The following FER variants were observed in gnomAD, a reference collection of about 807,000 sequenced individuals.
The protein encoded by FER is tyrosine-protein kinase Fer.
Under a neutral mutation model 111.0 loss-of-function variants are expected in FER, and 63 were observed. That is an observed-to-expected ratio of 0.57 (90% CI 0.46 to 0.70). The LOEUF is 0.70. Ranked by LOEUF, FER falls within the 30% of genes least tolerant of loss-of-function variation. FER has a pLI of 0.00. For synonymous variants in FER, 327 were observed against 313.9 expected, an observed-to-expected ratio of 1.04 and a Z score of -0.44; for missense variants, 914 against 954.0, an observed-to-expected ratio of 0.96 and a Z score of 0.55.
At chr5:109,053,291 G>A (rs1006345887) in intron 16 of FER, among the ~76,000 whole-genome samples, 4 of 150,058 alleles carry the variant, frequency 2.7e-5, no homozygotes, top group Admixed American at 6.7e-5. Context: ...GCTGAGGGAG[G>A]AGAATCGCTT....
At chr5:108,771,098 G>C (rs1279345766) in intron 2 of FER, among the ~76,000 whole-genome samples, 1 of 151,878 alleles carries the variant, frequency 6.6e-6, no homozygotes, top group Non-Finnish European at 1.5e-5. Context: ...ACCATGCCCA[G>C]CTAATTTTTG....
intron 17 of FER, among the ~76,000 whole-genome samples, chr5:109,167,165 A>G (rs915340027): frequency 2.6e-5 from 4 of 152,172 alleles, no homozygotes; most frequent in Non-Finnish European, 2.9e-5. Flanking sequence ...AGGACTTGTT[A>G]TGAGTAAGAT....
At chr5:109,091,358 G>A (rs994965890) in intron 16 of FER, among the ~76,000 whole-genome samples, 2 of 152,194 alleles carry the variant, frequency 1.3e-5, no homozygotes, top group Non-Finnish European at 2.9e-5. Context: ...CCCAGGTGCT[G>A]TCCTCTGGAA....
chr5:108,978,725 C>T (rs956519568), intron 13 of FER, among the ~76,000 whole-genome samples: 2 of 152,110 alleles, frequency 1.3e-5, no homozygotes, highest in Admixed American at 6.5e-5. Flanking sequence ...TATATATACT[C>T]ATAGATGCAA....
intron 13 of FER, among the ~76,000 whole-genome samples, chr5:109,029,589 G>A (rs963136485): frequency 6.6e-6 from 1 of 151,502 alleles, no homozygotes; most frequent in African/African-American, 2.4e-5. Context: ...CTTGAAAGAT[G>A]GTTTTACCAC....
intron 13 of FER, 81 bp from the exon 14 acceptor site, chr5:109,037,341 C>A: frequency 3.4e-6 from 4 of 1,163,876 alleles, no homozygotes; most frequent in South Asian, 2.6e-5. Flanking sequence ...CCCTTTAGGT[C>A]GACTTTCCAC....
At chr5:109,163,016 C>G (rs1278936698) in intron 17 of FER, among the ~76,000 whole-genome samples, 1 of 152,112 alleles carries the variant, frequency 6.6e-6, no homozygotes. Flanking sequence ...CTTTTCCTAT[C>G]TCTGGCCCTA....
chr5:108,967,957 C>T (rs954632745), intron 13 of FER, among the ~76,000 whole-genome samples: 1 of 149,052 alleles, frequency 6.7e-6, no homozygotes, highest in Admixed American at 6.6e-5. Context: ...TGGGGACCTG[C>T]CCCTATCTGC....
chr5:109,187,837 A>G lies in FER; in HGVS notation c.*262A>G, dbSNP rs1759052789. On this transcript the variant is annotated 3_prime_UTR_variant, in exon 20 of 20. Transcript: ENST00000281092. ...TTCAGGCCATTGCAAATAGAAAAGCACAGGCTTCTAAGTGTGTGAAGGATA... is the reference window on the plus strand; with the variant it reads ...TTCAGGCCATTGCAAATAGAAAAGCGCAGGCTTCTAAGTGTGTGAAGGATA... 1.1e-5 allele frequency: 5 copies of G among 467,320 alleles called. No homozygotes were observed. The South Asian group carries it at 1.2e-4, about 11-fold the overall frequency. The allele number at this position is 467,320 out of a possible 1,614,324, so 28.9% of individuals were successfully genotyped here. A position where few individuals can be genotyped will look rare whatever the true frequency, so the allele number is the denominator to read the frequency against.
At chr5:108,774,692 C>CT (rs952613706) in intron 2 of FER, among the ~76,000 whole-genome samples, 1 of 150,990 alleles carries the variant, frequency 6.6e-6, no homozygotes, top group Non-Finnish European at 1.5e-5. Context: ...ACATAAATGT[C>CT]TTTTTTTGAG....
At chr5:108,908,113 T>C (rs1751041813) in intron 10 of FER, among the ~76,000 whole-genome samples, 1 of 152,180 alleles carries the variant, frequency 6.6e-6, no homozygotes, top group Non-Finnish European at 1.5e-5. Flanking sequence ...CTGATAGAGG[T>C]AGTATTACCT....
chr5:108,853,525 TGAAG>T (rs1323288323), intron 5 of FER, among the ~76,000 whole-genome samples: 1 of 152,144 alleles, frequency 6.6e-6, no homozygotes, highest in African/African-American at 2.4e-5. Context: ...AAATAAAGAA[TGAAG>T]GAAGTCAGGG....
chr5:108,896,107 C>T (rs1053674664), intron 9 of FER, among the ~76,000 whole-genome samples: 25 of 151,912 alleles, frequency 1.6e-4, no homozygotes, highest in African/African-American at 6.0e-4. Context: ...ATATATTTTT[C>T]CACTTTACCT....
intron 2 of FER, among the ~76,000 whole-genome samples, chr5:108,782,240 T>C (rs1392750839): frequency 1.3e-5 from 2 of 152,140 alleles, no homozygotes; most frequent in Non-Finnish European, 2.9e-5. Flanking sequence ...GATTTTTCAG[T>C]TTGTTTAGCT....
At chr5:108,883,600 C>A in intron 9 of FER, 82 bp downstream of exon 9, 1 of 1,183,088 alleles carries the variant, frequency 8.5e-7, no homozygotes, top group Non-Finnish European at 1.1e-6. Flanking sequence ...GCAGTGTGAA[C>A]CTAACATTTC....
intron 16 of FER, among the ~76,000 whole-genome samples, chr5:109,050,914 G>A (rs1772703301): frequency 6.6e-6 from 1 of 152,038 alleles, no homozygotes; most frequent in African/African-American, 2.4e-5. Context: ...TTTATTCCTG[G>A]CCAGAATTAT....
rs1027815598 is a variant in FER at position 108,993,139 on chromosome 5, C to T, written c.1656+33792C>T. On this transcript the variant is annotated intron_variant, in intron 13 of 19. Transcript: ENST00000281092. The stretch of plus-strand genomic sequence containing the variant: ...GCTCCTCACTTCCCAGACGGGGTGG[C>T]GGCCGGGCAGAGGCTGCAATCTCAG... Among the ~76,000 whole-genome samples the T allele has an allele frequency of 3.3e-5, 5 of 152,116 alleles. No homozygotes were observed. The East Asian group carries it at 5.8e-4, about 18-fold the overall frequency.
chr5:108,927,250 C>CTTTTTTTTTTT lies in FER; in HGVS notation c.1237-18879_1237-18878insTTTTTTTTTTT, dbSNP rs773963733. Among the ~76,000 whole-genome samples, 3 of 95,374 alleles carry CTTTTTTTTTTT rather than the reference C, an allele frequency of 3.1e-5. 1 individual carries two copies. The highest frequency in any genetic ancestry group is 3.9e-5 in the Non-Finnish European group (2 of 51,146). 62.6% of individuals were successfully genotyped at this position (95,374 alleles called of 152,430 possible). On this transcript the variant is annotated intron_variant, in intron 10 of 19. Coordinates refer to ENST00000281092, the MANE Select transcript of FER (RefSeq NM_005246.4). ...CATGTAATTCAGCATTGAGAAGTGG[C>CTTTTTTTTTTT]TCTTTTTTTTTTTTTTTTTTTGAGA... is the stretch of plus-strand genomic sequence containing the variant.
intron 13 of FER, among the ~76,000 whole-genome samples, chr5:108,980,424 T>G (rs964417000): frequency 3.9e-5 from 6 of 152,178 alleles, no homozygotes; most frequent in Non-Finnish European, 1.5e-5. Flanking sequence ...TATTCAGTAT[T>G]CATCTATACA....
Sources: allele counts gnomAD v4.1 joint callset (sites outside exome capture counted in the v4.1 genomes callset), GRCh38; gene constraint gnomAD v4.1.1; transcripts MANE v1.5; gene names NCBI Gene and HGNC (gene_info 2026-07-23, HGNC 2026-07-21).